KAZN: variants seen among roughly 807,000 people sequenced by gnomAD.
KAZN encodes kazrin.
KAZN carries 40 observed loss-of-function variants against 87.4 expected under a neutral mutation model. The observed-to-expected ratio is 0.46, with a 90% CI of 0.36 to 0.60. The LOEUF (loss-of-function observed/expected upper bound fraction) is 0.60. Ranked by LOEUF, KAZN falls within the 20% of genes least tolerant of loss-of-function variation. KAZN has a pLI of 0.00. For synonymous variants in KAZN, 466 were observed against 458.3 expected (o/e 1.02, Z -0.22); for missense variants, 898 against 1,073.9 (o/e 0.84, Z 2.29).
intron 2 of KAZN, among the ~76,000 whole-genome samples, chr1:14,365,372 G>C (rs1398219048): frequency 1.6e-5 from 2 of 125,898 alleles, no homozygotes; most frequent in African/African-American, 7.5e-5. Flanking sequence ...CCGGGGTGGG[G>C]GGGGGGGGGG....
At chr1:14,367,090 G>A (rs960635532) in intron 2 of KAZN, among the ~76,000 whole-genome samples, 5 of 152,128 alleles carry the variant, frequency 3.3e-5, no homozygotes, top group African/African-American at 4.8e-5. Context: ...TTAGCGAGGC[G>A]TGGTGGCACG....
chr1:15,063,457 T>G (rs1573229778), intron 6 of KAZN, 115 bp from the exon 7 acceptor site: 2 of 844,770 alleles, frequency 2.4e-6, no homozygotes. Flanking sequence ...AGAGGCAGGG[T>G]GGCCCCTGAG....
intron 1 of KAZN, among the ~76,000 whole-genome samples, chr1:14,835,692 A>G (rs1647214844): frequency 6.6e-6 from 1 of 152,100 alleles, no homozygotes; most frequent in Non-Finnish European, 1.5e-5. Context: ...ACTGGAAGGG[A>G]AATGGGAGCT....
At chr1:14,164,593 T>C (rs1645782802) in intron 1 of KAZN, among the ~76,000 whole-genome samples, 3 of 140,828 alleles carry the variant, frequency 2.1e-5, no homozygotes, top group African/African-American at 8.1e-5. Context: ...CAGACTGGAG[T>C]GCAATGGCAC....
intron 2 of KAZN, among the ~76,000 whole-genome samples, chr1:15,025,162 A>C (rs922596708): frequency 1.8e-5 from 2 of 113,414 alleles, no homozygotes; most frequent in Non-Finnish European, 1.9e-5. Flanking sequence ...CCCTCCAGGA[A>C]CTTAATATCA....
chr1:14,175,511 T>C (rs1324639078), intron 1 of KAZN, among the ~76,000 whole-genome samples: 2 of 152,204 alleles, frequency 1.3e-5, no homozygotes, highest in African/African-American at 4.8e-5. Flanking sequence ...GTCTTTTGTG[T>C]TTAGAACAAA....
At position 14,599,228 on chromosome 1, in the gene KAZN, G is replaced by T; in HGVS notation, c.226+5G>T. On this transcript the variant is annotated splice_donor_5th_base_variant and intron_variant, in intron 1 of 14. Transcript: ENST00000376030. The surrounding 1 kb of genome is among the most constrained non-coding windows in gnomAD (Gnocchi z 4.4). ...ACCCCCAGCTTGGAGCGCAAGGTAG[G>T]ATCGCCCCGGCGCCCAGGGCGGAGG... The T allele has an allele frequency of 7.3e-7, 1 of 1,376,610 alleles. No individual in the cohort carries two copies. Among genetic ancestry groups the T allele is most frequent in the Non-Finnish European group, 9.4e-7 (1 of 1,068,636 alleles). The allele number at this position is 1,376,610 out of a possible 1,614,324, so 85.3% of individuals were successfully genotyped here. A position where few individuals can be genotyped will look rare whatever the true frequency, so the allele number is the denominator to read the frequency against.
intron 10 of KAZN, among the ~76,000 whole-genome samples, chr1:15,095,246 C>T (rs1421021457): frequency 6.6e-6 from 1 of 152,170 alleles, no homozygotes; most frequent in Non-Finnish European, 1.5e-5. Context: ...GGGACCAGCC[C>T]AAGCAGCTCT....
intron 2 of KAZN, among the ~76,000 whole-genome samples, chr1:14,388,152 A>G (rs536139871): frequency 6.6e-6 from 1 of 152,312 alleles, no homozygotes; most frequent in African/African-American, 2.4e-5. Flanking sequence ...CGAGTGAGGC[A>G]ATGCCTCGCC....
intron 1 of KAZN, among the ~76,000 whole-genome samples, chr1:14,627,329 G>T (rs1679216919): frequency 6.6e-6 from 1 of 152,032 alleles, no homozygotes; most frequent in African/African-American, 2.4e-5. Context: ...GATGCAAGGA[G>T]GCCTCTGTAG....
chr1:14,547,554 A>G (rs1017487406), intron 2 of KAZN, among the ~76,000 whole-genome samples: 2 of 152,174 alleles, frequency 1.3e-5, no homozygotes, highest in African/African-American at 4.8e-5. Context: ...TGTATTTTTT[A>G]GTGTTAAGGT....
chr1:15,075,151 C>T (rs1639680788), intron 8 of KAZN, among the ~76,000 whole-genome samples: 1 of 152,130 alleles, frequency 6.6e-6, no homozygotes, highest in Non-Finnish European at 1.5e-5. Flanking sequence ...CCACTCCCCT[C>T]ATATTGCAGA....
chr1:14,125,588 G>T (rs1033329230), intron 1 of KAZN, among the ~76,000 whole-genome samples: 1 of 152,120 alleles, frequency 6.6e-6, no homozygotes, highest in Non-Finnish European at 1.5e-5. Context: ...CCAGAAGCTG[G>T]GAGGGTCAAG....
chr1:14,634,651 CT>C (rs1176116066), intron 1 of KAZN, among the ~76,000 whole-genome samples: 1 of 152,192 alleles, frequency 6.6e-6, no homozygotes, highest in East Asian at 1.9e-4. Flanking sequence ...GTTTATGTGG[CT>C]CCTGGACAGG....
intron 1 of KAZN, among the ~76,000 whole-genome samples, chr1:14,112,510 C>G (rs935482343): frequency 1.2e-4 from 18 of 152,210 alleles, no homozygotes; most frequent in African/African-American, 1.7e-4. Flanking sequence ...GCATGGCAGA[C>G]ACTCTCCTCT....
chr1:14,421,412 G>A (rs946997993), intron 2 of KAZN, among the ~76,000 whole-genome samples: 10 of 152,106 alleles, frequency 6.6e-5, no homozygotes, highest in African/African-American at 2.4e-4. Flanking sequence ...ATCCAAGAAG[G>A]ACACGAGGAA....
intron 1 of KAZN, among the ~76,000 whole-genome samples, chr1:14,761,630 G>A (rs1028989303): frequency 2.6e-5 from 4 of 152,198 alleles, no homozygotes; most frequent in African/African-American, 9.7e-5. Flanking sequence ...TATCTTGGTT[G>A]TAAAGCAAAC....
At chr1:14,436,734 A>AAAAAAAAAACAAAAACAAAAAC (rs563539375) in intron 2 of KAZN, among the ~76,000 whole-genome samples, 1 of 137,368 alleles carries the variant, frequency 7.3e-6, no homozygotes, top group Non-Finnish European at 1.5e-5. Context: ...AAAAAAAAAA[A>AAAAAAAAAACAAAAACAAAAAC]AAAACCTTAA....
chr1:14,139,957 G>A (rs1387594568), intron 1 of KAZN, among the ~76,000 whole-genome samples: 1 of 71,206 alleles, frequency 1.4e-5, no homozygotes, highest in Admixed American at 1.7e-4. Flanking sequence ...GTGTGTGTGT[G>A]TGTGTGTGTG....
Sources: allele counts gnomAD v4.1 joint callset (sites outside exome capture counted in the v4.1 genomes callset), GRCh38; gene constraint gnomAD v4.1.1; non-coding constraint Gnocchi (gnomAD v3.1); transcripts MANE v1.5; gene names NCBI Gene and HGNC (gene_info 2026-07-23, HGNC 2026-07-21).